PACS1: variants seen among roughly 807,000 people sequenced by gnomAD.
PACS1 encodes PACS-1.
A neutral mutation model predicts 115.0 loss-of-function variants in PACS1; 24 were observed. The observed-to-expected ratio is 0.21, with a 90% CI of 0.15 to 0.29. The LOEUF is 0.29. Among genes scored for constraint, PACS1 ranks in the 10% least tolerant of loss-of-function variants. The probability of loss-of-function intolerance (pLI) is 1.00; values close to 1 mark genes in which losing one functional copy is unlikely to be tolerated. For synonymous variants in PACS1, 453 were observed against 504.5 expected (o/e 0.90, Z 1.37); for missense variants, 838 against 1,251.2 (o/e 0.67, Z 4.98).
In PACS1 at chr11:66,235,170, C is replaced by A. The variant is rs1239477476; in HGVS notation, c.2105-131C>A. The A allele has an allele frequency of 4.7e-6, 3 of 643,930 alleles. No individual in the cohort carries two copies. Among genetic ancestry groups the A allele is most frequent in the Non-Finnish European group, 8.4e-6 (3 of 356,332 alleles). 39.9% of individuals were successfully genotyped at this position (643,930 alleles called of 1,614,324 possible). On this transcript the variant is annotated intron_variant, in intron 17 of 23. Transcript: ENST00000320580. This position sits in a 1 kb window ranked among gnomAD's most constrained non-coding sequence, Gnocchi z 5.6. ...TCATGATTCCTTCAAACCAGAAGGA[C>A]CGTAGAGCCCCATCCTTCACTCAAC...
In PACS1 at chr11:66,099,334, C is replaced by T. The variant is rs140415022; in HGVS notation, c.356+28492C>T. 3.3e-4 allele frequency among the ~76,000 whole-genome samples: 51 copies of T among 152,308 alleles called. 1 individual carries two copies. The highest frequency in any genetic ancestry group is 1.2e-3 in the African/African-American group (49 of 41,564). On this transcript the variant is annotated intron_variant, in intron 1 of 23. Coordinates refer to ENST00000320580, the MANE Select transcript of PACS1 (RefSeq NM_018026.4). ...CGCCTCCCAGGTTCACTCCATTCTC[C>T]TGCCTCAGCCTCCCGAGTAGCTGGG...
chr11:66,174,848 C>T (rs989751094), intron 1 of PACS1, among the ~76,000 whole-genome samples: 4 of 151,962 alleles, frequency 2.6e-5, no homozygotes, highest in African/African-American at 7.3e-5. Flanking sequence ...TTGAATTGTA[C>T]GTTTAAAATA....
intron 2 of PACS1, 51 bp from the exon 3 acceptor site, chr11:66,210,311 C>T (rs535911828): frequency 1.4e-6 from 2 of 1,430,844 alleles, no homozygotes; most frequent in East Asian, 4.6e-5. Flanking sequence ...GCTGGGATTA[C>T]TGGCACAAGC....
intron 1 of PACS1, among the ~76,000 whole-genome samples, chr11:66,109,288 G>T (rs777611087): frequency 6.6e-6 from 1 of 152,112 alleles, no homozygotes; most frequent in African/African-American, 2.4e-5. Context: ...ATGGCCAGGC[G>T]TGGTGGCTCA....
chr11:66,081,624 G>T (rs568840158), intron 1 of PACS1, among the ~76,000 whole-genome samples: 1 of 152,260 alleles, frequency 6.6e-6, no homozygotes, highest in Non-Finnish European at 1.5e-5. Flanking sequence ...GCTGGGTCGG[G>T]ATCCTGTTTC....
At chr11:66,213,526 C>G (rs894425001) in intron 4 of PACS1, among the ~76,000 whole-genome samples, 1 of 152,228 alleles carries the variant, frequency 6.6e-6, no homozygotes, top group Non-Finnish European at 1.5e-5. Context: ...ATGTCCCCAA[C>G]TGGGTGTCAT....
intron 1 of PACS1, among the ~76,000 whole-genome samples, chr11:66,155,155 C>T (rs1425876333): frequency 6.6e-6 from 1 of 152,120 alleles, no homozygotes; most frequent in Non-Finnish European, 1.5e-5. Flanking sequence ...AAGTCCTAAA[C>T]GAGTTAAAAC....
At chr11:66,075,036 A>G (rs1312745728) in intron 1 of PACS1, among the ~76,000 whole-genome samples, 3 of 127,744 alleles carry the variant, frequency 2.3e-5, no homozygotes, top group Non-Finnish European at 4.7e-5. Flanking sequence ...TCCGCCTCCC[A>G]GGTTCGCTCC....
At chr11:66,156,584 G>A (rs1234740878) in intron 1 of PACS1, among the ~76,000 whole-genome samples, 67 of 152,040 alleles carry the variant, frequency 4.4e-4, no homozygotes, top group Admixed American at 4.4e-3. Flanking sequence ...GCTGGGCATG[G>A]TGGCTCATGT....
rs1008555014 is a variant in PACS1 at position 66,236,642 on chromosome 11, C to T, written c.2250+702C>T. Among the ~76,000 whole-genome samples the T allele has an allele frequency of 2.6e-5, 4 of 152,166 alleles. No homozygotes were observed. The highest frequency in any genetic ancestry group is 4.4e-5 in the Non-Finnish European group (3 of 68,038). ...GCTCAGCCTGACCTAGGGAGGGGTC[C>T]GGGGGAGCTGTGCAGTCCTGCCAGA... On this transcript the variant is annotated intron_variant, in intron 19 of 23. Coordinates refer to ENST00000320580, the MANE Select transcript of PACS1 (RefSeq NM_018026.4). The surrounding 1 kb of genome is among the most constrained non-coding windows in gnomAD (Gnocchi z 4.2).
chr11:66,095,367 A>G (rs373582505), intron 1 of PACS1, among the ~76,000 whole-genome samples: 10 of 152,108 alleles, frequency 6.6e-5, no homozygotes, highest in South Asian at 4.1e-4. Flanking sequence ...TACAAAATCA[A>G]TGTACAAAAA....
chr11:66,217,710 A>C (rs994237666), intron 7 of PACS1: 1 of 428,858 alleles, frequency 2.3e-6, no homozygotes. Context: ...TCCACCTCTC[A>C]ATTGGTGCTC....
At chr11:66,078,703 G>A (rs911062216) in intron 1 of PACS1, among the ~76,000 whole-genome samples, 1 of 151,940 alleles carries the variant, frequency 6.6e-6, no homozygotes, top group Non-Finnish European at 1.5e-5. Flanking sequence ...ACAGGCACAT[G>A]CCAACATGCC....
intron 2 of PACS1, among the ~76,000 whole-genome samples, chr11:66,204,118 G>T (rs1260491118): frequency 6.6e-6 from 1 of 152,104 alleles, no homozygotes; most frequent in Admixed American, 6.6e-5. Context: ...AGCACTTTGA[G>T]AGGCCAACAA....
At chr11:66,113,281 T>C (rs1049680862) in intron 1 of PACS1, among the ~76,000 whole-genome samples, 14 of 152,238 alleles carry the variant, frequency 9.2e-5, no homozygotes, top group African/African-American at 3.4e-4. Context: ...AGATGACTTT[T>C]CTTTTAATTT....
At chr11:66,215,704 C>T (rs1467388211) in intron 4 of PACS1, among the ~76,000 whole-genome samples, 1 of 151,908 alleles carries the variant, frequency 6.6e-6, no homozygotes, top group Non-Finnish European at 1.5e-5. Context: ...TGAGACCAGC[C>T]TGGCCAACAT....
At chr11:66,119,965 C>G (rs1858401596) in intron 1 of PACS1, among the ~76,000 whole-genome samples, 1 of 152,086 alleles carries the variant, frequency 6.6e-6, no homozygotes, top group Admixed American at 6.5e-5. Context: ...AATCCTGGTT[C>G]TGTCCCTTTC....
At chr11:66,192,252 G>C (rs1854542822) in intron 1 of PACS1, among the ~76,000 whole-genome samples, 1 of 152,242 alleles carries the variant, frequency 6.6e-6, no homozygotes, top group South Asian at 2.1e-4. Flanking sequence ...AGATGTTGGG[G>C]AGAGAGCGGT....
chr11:66,094,554 A>G (rs969862109), intron 1 of PACS1, among the ~76,000 whole-genome samples: 5 of 148,990 alleles, frequency 3.4e-5, no homozygotes, highest in Admixed American at 6.7e-5. Context: ...GCAATAATCA[A>G]TAGCTTACCA....
Sources: allele counts gnomAD v4.1 joint callset (sites outside exome capture counted in the v4.1 genomes callset), GRCh38; gene constraint gnomAD v4.1.1; non-coding constraint Gnocchi (gnomAD v3.1); transcripts MANE v1.5; gene names NCBI Gene and HGNC (gene_info 2026-07-23, HGNC 2026-07-21).